Variants in MINK1 observed in about 807,000 individuals in gnomAD.
MINK1 encodes the protein misshapen like kinase 1, also known as misshapen-like kinase 1.
A neutral mutation model predicts 178.4 loss-of-function variants in MINK1; 46 were observed. The observed-to-expected ratio is 0.26, with a 90% CI of 0.20 to 0.33. The LOEUF (loss-of-function observed/expected upper bound fraction) is 0.33. Ranked by LOEUF, MINK1 falls within the 10% of genes least tolerant of loss-of-function variation. The pLI, the probability that MINK1 is intolerant of heterozygous loss-of-function variation, is 1.00. For missense variants in MINK1, 1,366 were observed against 1,814.9 expected, an observed-to-expected ratio of 0.75 and a Z score of 4.49; for synonymous variants, 797 against 709.7, an observed-to-expected ratio of 1.12 and a Z score of -1.96.
intron 4 of MINK1, 134 bp downstream of exon 4, chr17:4,881,391 C>G: frequency 9.6e-7 from 1 of 1,037,700 alleles, no homozygotes; most frequent in South Asian, 1.6e-5. Flanking sequence ...CCTCCCCTGT[C>G]CCTGGACCCA....
At chr17:4,868,768 CAG>C (rs1442783572) in intron 1 of MINK1, 2 of 268,556 alleles carry the variant, frequency 7.4e-6, no homozygotes, top group Non-Finnish European at 1.6e-5. Context: ...TTTTTTGAGA[CAG>C]GGTCTCACTC....
intron 1 of MINK1, among the ~76,000 whole-genome samples, chr17:4,845,187 C>T (rs1032397578): frequency 6.6e-6 from 1 of 152,188 alleles, no homozygotes; most frequent in Non-Finnish European, 1.5e-5. Context: ...CACAACCCCC[C>T]TCCCAGCTCT....
chr17:4,887,629 C>T lies in MINK1; in HGVS notation c.1069C>T (p.Arg357Trp). Residue 357 changes from arginine to tryptophan, a missense_variant, in exon 12 of 32, where the codon CGG becomes TGG. This residue lies in a region of MINK1 where 56 missense variants were observed against 64.0 expected (regional missense o/e 0.87). Coordinates refer to ENST00000355280, the MANE Select transcript of MINK1 (RefSeq NM_153827.5). This position sits in a 1 kb window ranked among gnomAD's most constrained non-coding sequence, Gnocchi z 7.6. Reference sequence around the variant, plus strand: ...GTCGACTCTACGCCGGGAGTTTCTCCGGCTCCAGCAGGAAAATAAGAGCAA... The same window carrying T: ...GTCGACTCTACGCCGGGAGTTTCTCTGGCTCCAGCAGGAAAATAAGAGCAA... ...GESTLRREFLRLQQENKSNSE... is the reference protein window; with the variant it reads ...GESTLRREFLWLQQENKSNSE... 1.9e-6 allele frequency: 3 copies of T among 1,566,930 alleles called. No individual in the cohort carries two copies. Among genetic ancestry groups the T allele is most frequent in the South Asian group, 1.2e-5 (1 of 84,562 alleles).
At chr17:4,880,305 T>TC (rs1202828011) in intron 2 of MINK1, among the ~76,000 whole-genome samples, 1 of 150,754 alleles carries the variant, frequency 6.6e-6, no homozygotes, top group East Asian at 2.0e-4. Flanking sequence ...CTTTTCTTTT[T>TC]TTTTTTTTTT....
At chr17:4,875,460 G>A (rs554496322) in intron 1 of MINK1, 4 of 453,702 alleles carry the variant, frequency 8.8e-6, no homozygotes, top group Non-Finnish European at 1.8e-5. Context: ...GGGCAACAGA[G>A]CGAGATCTGA....
At chr17:4,888,997 G>A (rs945302671) in intron 12 of MINK1, among the ~76,000 whole-genome samples, 1 of 152,156 alleles carries the variant, frequency 6.6e-6, no homozygotes, top group Non-Finnish European at 1.5e-5. Context: ...ACCGCGCCCA[G>A]CCACAGAGTC....
At chr17:4,838,646 G>A (rs1909660843) in intron 1 of MINK1, among the ~76,000 whole-genome samples, 1 of 151,826 alleles carries the variant, frequency 6.6e-6, no homozygotes, top group African/African-American at 2.4e-5. Context: ...GATAAGGCAT[G>A]CAGTAACCTC....
At chr17:4,858,060 G>C (rs1444058304) in intron 1 of MINK1, among the ~76,000 whole-genome samples, 1 of 152,180 alleles carries the variant, frequency 6.6e-6, no homozygotes, top group Non-Finnish European at 1.5e-5. Context: ...TAATCTGGTG[G>C]TACTGGGGCT....
At position 4,892,394 on chromosome 17, in the gene MINK1, C is replaced by T. The variant is rs1318533823; in HGVS notation, c.2088-8C>T. 6.4e-7 allele frequency: 1 copy of T among 1,550,982 alleles called. No homozygotes were observed. Among genetic ancestry groups the T allele is most frequent in the Non-Finnish European group, 8.7e-7 (1 of 1,147,568 alleles). ...CGCCCCCTCGGCACCCCTGTGCTCCCTTCACAGACCTCGCAGCAACTCCGC... is the reference window on the plus strand; with the variant it reads ...CGCCCCCTCGGCACCCCTGTGCTCCTTTCACAGACCTCGCAGCAACTCCGC... On this transcript the variant is annotated splice_region_variant and splice_polypyrimidine_tract_variant and intron_variant, in intron 17 of 31. Coordinates refer to ENST00000355280, the MANE Select transcript of MINK1 (RefSeq NM_153827.5).
chr17:4,887,607 G>A lies in MINK1; in HGVS notation c.1047G>A (p.Ser349=), dbSNP rs55920399. 2.3e-4 allele frequency: 365 copies of A among 1,556,476 alleles called. No individual in the cohort carries two copies. The highest frequency in any genetic ancestry group is 2.9e-4 in the Non-Finnish European group (332 of 1,152,954). ...CCATCATGAACGTGCCTGGAGAGTC[G>A]ACTCTACGCCGGGAGTTTCTCCGGC... The part of the protein sequence containing the change: ...PSSIMNVPGE[S]TLRREFLRLQ... The change falls in exon 12 of 32, where the codon TCG becomes TCA. Residue 349 remains serine, a synonymous_variant. Coordinates refer to ENST00000355280, the MANE Select transcript of MINK1 (RefSeq NM_153827.5). The surrounding 1 kb of genome is among the most constrained non-coding windows in gnomAD (Gnocchi z 7.6).
rs139726597 is a variant in MINK1 at position 4,891,381 on chromosome 17, C to T, written c.1741-75C>T. 5 of 1,489,500 alleles carry T rather than the reference C, an allele frequency of 3.4e-6. No individual in the cohort carries two copies. The African/African-American group carries it at 7.0e-5, about 21-fold the overall frequency. 92.3% of individuals were successfully genotyped at this position (1,489,500 alleles called of 1,614,324 possible). On this transcript the variant is annotated intron_variant, in intron 15 of 31. Transcript: ENST00000355280. Reference sequence around the variant, plus strand: ...GGAAGGGGCAGCTAAAGTCCTTTCCCACCCCAGACCCCAATTCGCAGGTGG... The same window carrying T: ...GGAAGGGGCAGCTAAAGTCCTTTCCTACCCCAGACCCCAATTCGCAGGTGG...
chr17:4,857,789 C>A (rs1049756732), intron 1 of MINK1, among the ~76,000 whole-genome samples: 5 of 152,058 alleles, frequency 3.3e-5, no homozygotes, highest in African/African-American at 1.2e-4. Context: ...TCTTACCACA[C>A]ACACACCCTC....
chr17:4,849,211 G>A (rs1481130859), intron 1 of MINK1, among the ~76,000 whole-genome samples: 3 of 152,090 alleles, frequency 2.0e-5, no homozygotes, highest in Non-Finnish European at 2.9e-5. Flanking sequence ...ATCTGAACAC[G>A]AAACTCCTGT....
chr17:4,884,425 C>T lies in MINK1; in HGVS notation c.369C>T (p.Asn123=), dbSNP rs6502827. The change falls in exon 5 of 32, where the codon AAC becomes AAT. Residue 123 remains asparagine, a synonymous_variant. Coordinates refer to ENST00000355280, the MANE Select transcript of MINK1 (RefSeq NM_153827.5). ...VTDLVKNTKG[N]ALKEDCIAYI... ...ACCTGGTAAAGAACACAAAAGGCAA[C>T]GCCCTGAAGGAGGACTGTATCGCCT... is the stretch of plus-strand genomic sequence containing the variant. 51,216 of 1,613,614 alleles carry T rather than the reference C, an allele frequency of 0.032. 994 individuals carry two copies. The highest frequency in any genetic ancestry group is 0.039 in the Non-Finnish European group (46,303 of 1,179,616).
At chr17:4,852,445 T>C (rs934316177) in intron 1 of MINK1, among the ~76,000 whole-genome samples, 9 of 151,560 alleles carry the variant, frequency 5.9e-5, no homozygotes, top group Non-Finnish European at 1.2e-4. Flanking sequence ...GGGCACTTCC[T>C]GGAGGTGACA....
At chr17:4,840,942 G>C (rs1910128778) in intron 1 of MINK1, among the ~76,000 whole-genome samples, 1 of 152,080 alleles carries the variant, frequency 6.6e-6, no homozygotes, top group Non-Finnish European at 1.5e-5. Context: ...GGAGGAGCCT[G>C]GGTGGCTGGA....
intron 1 of MINK1, among the ~76,000 whole-genome samples, chr17:4,840,115 G>A (rs535452880): frequency 8.5e-5 from 13 of 152,202 alleles, no homozygotes; most frequent in African/African-American, 2.6e-4. Flanking sequence ...TTGCTTTTAC[G>A]AGACAAAACT....
At chr17:4,834,815 C>A (rs1303988565) in intron 1 of MINK1, 1 of 520,088 alleles carries the variant, frequency 1.9e-6, no homozygotes, top group Non-Finnish European at 3.8e-6. Flanking sequence ...AGACTGTCTT[C>A]TGGCTTTTGA....
intron 1 of MINK1, among the ~76,000 whole-genome samples, chr17:4,867,505 T>A (rs958445733): frequency 2.6e-5 from 4 of 151,644 alleles, no homozygotes; most frequent in Non-Finnish European, 4.4e-5. Context: ...ATAATTAAAA[T>A]TTTTAAAAAT....
Sources: allele counts gnomAD v4.1 joint callset (sites outside exome capture counted in the v4.1 genomes callset), GRCh38; gene constraint gnomAD v4.1.1; regional missense constraint gnomAD v4.1.1; non-coding constraint Gnocchi (gnomAD v3.1); transcripts MANE v1.5; gene names NCBI Gene and HGNC (gene_info 2026-07-23, HGNC 2026-07-21).